The following CFAP299 variants were observed in gnomAD, a reference collection of about 807,000 sequenced individuals.
CFAP299 encodes the protein cilia and flagella associated protein 299, also known as cilia- and flagella-associated protein 299.
CFAP299 carries 21 observed loss-of-function variants against 27.0 expected under a neutral mutation model. That is an observed-to-expected ratio of 0.78 (90% CI 0.55 to 1.12). The LOEUF is 1.12. Among genes scored for constraint, CFAP299 ranks in the 50% most tolerant of loss-of-function variants. The pLI is 0.00. For synonymous variants in CFAP299, 104 were observed against 98.1 expected (o/e 1.06, Z -0.36); for missense variants, 310 against 276.6 (o/e 1.12, Z -0.86).
At chr4:80,815,015 T>G (rs1729351887) in intron 3 of CFAP299, among the ~76,000 whole-genome samples, 1 of 151,890 alleles carries the variant, frequency 6.6e-6, no homozygotes, top group Non-Finnish European at 1.5e-5. Flanking sequence ...CAAGTATGAA[T>G]AAGAACAAAT....
chr4:80,944,751 A>G (rs2110230959), intron 4 of CFAP299, 59 bp from the exon 5 acceptor site: 1 of 1,297,828 alleles, frequency 7.7e-7, no homozygotes, highest in South Asian at 1.3e-5. Context: ...TTCTTAAACT[A>G]TATTTGTCAA....
At chr4:80,601,373 T>C (rs1295177088) in intron 3 of CFAP299, among the ~76,000 whole-genome samples, 1 of 152,180 alleles carries the variant, frequency 6.6e-6, no homozygotes, top group Non-Finnish European at 1.5e-5. Context: ...ACACATACCA[T>C]ATTTTGTGCA....
intron 5 of CFAP299, 89 bp downstream of exon 5, chr4:80,945,028 CT>C: frequency 8.0e-7 from 1 of 1,246,404 alleles, no homozygotes; most frequent in South Asian, 1.3e-5. Flanking sequence ...ATATTTGACA[CT>C]CTTAAGTTGT....
chr4:80,629,010 C>G (rs1262017583), intron 3 of CFAP299, among the ~76,000 whole-genome samples: 1 of 152,126 alleles, frequency 6.6e-6, no homozygotes, highest in Non-Finnish European at 1.5e-5. Context: ...GAAAAGATTC[C>G]TTTACTTTTG....
Position 80,362,745 on chromosome 4 carries a change from TC to T in CFAP299, c.112-8del. On this transcript the variant is annotated splice_region_variant and splice_polypyrimidine_tract_variant and intron_variant, in intron 1 of 5. Transcript: ENST00000358105. The stretch of plus-strand genomic sequence containing the variant: ...TGCCCACTCACCTAACAACTGATTT[TC>T]TCTCTAGGATGAAACCCTGGCCCGC... The T allele has an allele frequency of 6.3e-7, 1 of 1,588,614 alleles. No homozygotes were observed.
intron 2 of CFAP299, among the ~76,000 whole-genome samples, chr4:80,453,555 G>C (rs61027744): frequency 2.0e-5 from 3 of 151,426 alleles, no homozygotes; most frequent in Non-Finnish European, 4.4e-5. Context: ...AAAAATAATC[G>C]TGTGGCCTGG....
At chr4:80,963,393 C>T (rs1187089229) in intron 5 of CFAP299, 124 bp from the exon 6 acceptor site, 2 of 641,308 alleles carry the variant, frequency 3.1e-6, no homozygotes, top group African/African-American at 1.9e-5. Flanking sequence ...ATGTATATAT[C>T]TCCGTGGAAA....
chr4:80,342,148 T>C (rs543117482), intron 1 of CFAP299, among the ~76,000 whole-genome samples: 78 of 152,254 alleles, frequency 5.1e-4, no homozygotes, highest in African/African-American at 1.7e-3. Flanking sequence ...AAACAAAACC[T>C]GTGAGAAATA....
At chr4:80,707,256 G>A (rs1326068274) in intron 3 of CFAP299, among the ~76,000 whole-genome samples, 1 of 151,808 alleles carries the variant, frequency 6.6e-6, no homozygotes, top group Non-Finnish European at 1.5e-5. Flanking sequence ...TTTTTGTCGG[G>A]CCCATGAGAT....
intron 4 of CFAP299, among the ~76,000 whole-genome samples, chr4:80,928,617 C>T (rs1736421968): frequency 1.3e-5 from 2 of 151,962 alleles, no homozygotes; most frequent in African/African-American, 4.8e-5. Context: ...TTTGAGTTGC[C>T]AAGACCTTGC....
intron 3 of CFAP299, among the ~76,000 whole-genome samples, chr4:80,664,696 C>T (rs1741050663): frequency 6.6e-6 from 1 of 152,062 alleles, no homozygotes; most frequent in Non-Finnish European, 1.5e-5. Flanking sequence ...TGAACTAGAC[C>T]ACTTGGTTAC....
intron 2 of CFAP299, among the ~76,000 whole-genome samples, chr4:80,540,501 A>C (rs1733949642): frequency 6.6e-6 from 1 of 152,212 alleles, no homozygotes; most frequent in African/African-American, 2.4e-5. Context: ...TACAATGATA[A>C]ATGTAGAATT....
rs569778898 is a variant in CFAP299, at chr4:80,832,352, C to A, written c.334-37641C>A. Among the ~76,000 whole-genome samples, 11 of 152,136 alleles carry A rather than the reference C, an allele frequency of 7.2e-5. No homozygotes were observed. In the South Asian group the frequency reaches 8.3e-4, roughly 11 times the overall value. On this transcript the variant is annotated intron_variant, in intron 3 of 5. Coordinates refer to ENST00000358105, the MANE Select transcript of CFAP299 (RefSeq NM_152770.3). ...TTGTCTTTAACTATTTCTTTCTCAT[C>A]AAATTGGAAAATATGTCTACTACTT...
chr4:80,665,331 T>C lies in CFAP299; in HGVS notation c.333+82148T>C, dbSNP rs543327170. 2.0e-5 allele frequency among the ~76,000 whole-genome samples: 3 copies of C among 152,360 alleles called. No individual in the cohort carries two copies. The South Asian group carries it at 6.2e-4, about 32-fold the overall frequency. ...TATGATTACTCCTCACAATAATTAA[T>C]CCTATTTTGGGCTGTTGATGATAGT... On this transcript the variant is annotated intron_variant, in intron 3 of 5. Transcript: ENST00000358105.
intron 2 of CFAP299, among the ~76,000 whole-genome samples, chr4:80,484,500 A>G (rs1730716259): frequency 6.6e-6 from 1 of 152,106 alleles, no homozygotes; most frequent in Non-Finnish European, 1.5e-5. Flanking sequence ...CTTCTTAACA[A>G]ACTTTGTCTA....
rs1234501103 is a variant in CFAP299 at position 80,444,667 on chromosome 4, A to G, written c.242+81783A>G. 2.6e-5 allele frequency among the ~76,000 whole-genome samples: 4 copies of G among 152,214 alleles called. No homozygotes were observed. In the East Asian group the frequency reaches 7.7e-4, roughly 29 times the overall value. On this transcript the variant is annotated intron_variant, in intron 2 of 5. Transcript: ENST00000358105. The stretch of plus-strand genomic sequence containing the variant: ...CCAAAAGTAATTGCAACAAAAGCCA[A>G]AATTGACAAATGGGATCTAATTAAA...
At chr4:80,857,958 A>G (rs1317730906) in intron 3 of CFAP299, among the ~76,000 whole-genome samples, 1 of 151,894 alleles carries the variant, frequency 6.6e-6, no homozygotes. Flanking sequence ...TTTTCTATTG[A>G]TTGGAATAGT....
chr4:80,799,680 T>TTTA (rs1728203738), intron 3 of CFAP299, among the ~76,000 whole-genome samples: 1 of 32,804 alleles, frequency 3.0e-5, no homozygotes, highest in South Asian at 1.4e-3. Context: ...AATATATATT[T>TTTA]ATAAATATAT....
At chr4:80,535,442 C>T (rs985260273) in intron 2 of CFAP299, among the ~76,000 whole-genome samples, 185 of 68,120 alleles carry the variant, frequency 2.7e-3, no homozygotes, top group Non-Finnish European at 6.4e-4. Context: ...TTGCAGTGAG[C>T]CGAGATCCCG....
Sources: allele counts gnomAD v4.1 joint callset (sites outside exome capture counted in the v4.1 genomes callset), GRCh38; gene constraint gnomAD v4.1.1; transcripts MANE v1.5; gene names NCBI Gene and HGNC (gene_info 2026-07-23, HGNC 2026-07-21).